NEGR1: variants seen among roughly 807,000 people sequenced by gnomAD.
NEGR1 encodes neuronal growth regulator 1, also known as IgLON family member 4.
NEGR1 carries 10 observed loss-of-function variants against 40.9 expected under a neutral mutation model. The observed-to-expected ratio is 0.24, with a 90% CI of 0.15 to 0.42. The LOEUF is 0.42. NEGR1 is among the 10% of genes least tolerant of loss of function. NEGR1 has a pLI of 1.00. For missense variants in NEGR1, 352 were observed against 438.9 expected, an observed-to-expected ratio of 0.80 and a Z score of 1.77; for synonymous variants, 185 against 166.8, an observed-to-expected ratio of 1.11 and a Z score of -0.84.
chr1:71,616,919 C>T (rs1373976953), intron 4 of NEGR1, among the ~76,000 whole-genome samples: 2 of 152,178 alleles, frequency 1.3e-5, no homozygotes, highest in African/African-American at 2.4e-5. Flanking sequence ...TTCTTTGTAA[C>T]AGGTGATTCA....
At chr1:71,674,896 T>C (rs941402599) in intron 4 of NEGR1, among the ~76,000 whole-genome samples, 2 of 151,768 alleles carry the variant, frequency 1.3e-5, no homozygotes, top group African/African-American at 4.8e-5. Context: ...ATTTGTTTAA[T>C]GTATGTTTTC....
chr1:72,044,156 A>T (rs1276122648), intron 1 of NEGR1, among the ~76,000 whole-genome samples: 1 of 151,626 alleles, frequency 6.6e-6, no homozygotes, highest in Non-Finnish European at 1.5e-5. Context: ...AAAGTGCTGA[A>T]CACAGTGCTT....
At chr1:72,164,997 G>T (rs532400713) in intron 1 of NEGR1, among the ~76,000 whole-genome samples, 28 of 151,422 alleles carry the variant, frequency 1.8e-4, no homozygotes, top group Non-Finnish European at 3.5e-4. Context: ...TTTTTTTCAT[G>T]ACCATTTCCT....
intron 1 of NEGR1, among the ~76,000 whole-genome samples, chr1:72,248,575 T>TTTA (rs201326223): frequency 0.11 from 14,871 of 132,744 alleles, 931 homozygotes; most frequent in African/African-American, 0.17. Context: ...TCTATTTTTA[T>TTTA]TTATTATTAT....
rs548458448 is a variant in NEGR1 at position 71,599,314 on chromosome 1, A to G, written c.789-6346T>C. Among the ~76,000 whole-genome samples the G allele has an allele frequency of 1.2e-4, 19 of 152,344 alleles. No homozygotes were observed. The South Asian group carries it at 1.9e-3, about 15-fold the overall frequency. ...TGAGCATTCAGGAAATTATTTTTAA[A>G]GAAAAGATCTAGGAGAGTGACTGAA... On this transcript the variant is annotated intron_variant, in intron 5 of 6. Transcript: ENST00000357731.
chr1:71,530,746 G>C (rs1262982564), intron 6 of NEGR1, among the ~76,000 whole-genome samples: 1 of 151,188 alleles, frequency 6.6e-6, no homozygotes, highest in African/African-American at 2.4e-5. Flanking sequence ...CCAATTCTGG[G>C]ACATAATGGC....
At chr1:72,094,692 A>G (rs925314215) in intron 1 of NEGR1, among the ~76,000 whole-genome samples, 7 of 152,148 alleles carry the variant, frequency 4.6e-5, no homozygotes, top group Non-Finnish European at 7.3e-5. Flanking sequence ...CTTGGAGCAC[A>G]CTTTTGTTTT....
At chr1:71,754,695 A>T (rs1390248568) in intron 3 of NEGR1, among the ~76,000 whole-genome samples, 1 of 151,070 alleles carries the variant, frequency 6.6e-6, no homozygotes, top group Non-Finnish European at 1.5e-5. Context: ...AGATTCACTG[A>T]AAGTGCTTTT....
At chr1:71,639,223 A>C (rs1570138056) in intron 4 of NEGR1, among the ~76,000 whole-genome samples, 5 of 150,768 alleles carry the variant, frequency 3.3e-5, no homozygotes. Context: ...AAAAAAAAAA[A>C]CAGGACACAA....
intron 6 of NEGR1, among the ~76,000 whole-genome samples, chr1:71,507,475 C>T (rs1366637997): frequency 6.6e-6 from 1 of 152,166 alleles, no homozygotes; most frequent in African/African-American, 2.4e-5. Flanking sequence ...GGGATTTATA[C>T]CCTCACTAAA....
intron 2 of NEGR1, among the ~76,000 whole-genome samples, chr1:71,842,909 G>A (rs1659291328): frequency 6.6e-6 from 1 of 152,136 alleles, no homozygotes; most frequent in South Asian, 2.1e-4. Context: ...AGTTAAAAGT[G>A]AAAGGACCCT....
chr1:71,509,529 G>A (rs571352188), intron 6 of NEGR1, among the ~76,000 whole-genome samples: 17 of 152,284 alleles, frequency 1.1e-4, no homozygotes, highest in African/African-American at 1.7e-4. Flanking sequence ...AGGAAACTTC[G>A]TAACTTGTTA....
At chr1:72,074,993 A>G (rs1027226937) in intron 1 of NEGR1, among the ~76,000 whole-genome samples, 5 of 152,152 alleles carry the variant, frequency 3.3e-5, no homozygotes, top group African/African-American at 1.2e-4. Context: ...TTTTAAGGAC[A>G]TAAATAAAGA....
intron 3 of NEGR1, among the ~76,000 whole-genome samples, chr1:71,708,602 A>T (rs373493988): frequency 9.3e-5 from 14 of 150,636 alleles, no homozygotes; most frequent in African/African-American, 3.4e-4. Flanking sequence ...CAGAGTTTTT[A>T]TTTTTTTTTT....
intron 1 of NEGR1, among the ~76,000 whole-genome samples, chr1:72,090,810 G>T (rs913129762): frequency 6.6e-6 from 1 of 152,114 alleles, no homozygotes; most frequent in Non-Finnish European, 1.5e-5. Flanking sequence ...GGGGTTTTGA[G>T]TAAGTCATGT....
At chr1:72,056,794 T>C (rs1223059931) in intron 1 of NEGR1, among the ~76,000 whole-genome samples, 1 of 151,540 alleles carries the variant, frequency 6.6e-6, no homozygotes, top group Non-Finnish European at 1.5e-5. Flanking sequence ...AAGTTTTGTT[T>C]TGAAGTCTAT....
intron 6 of NEGR1, among the ~76,000 whole-genome samples, chr1:71,522,016 AC>A (rs556290685): frequency 1.0e-3 from 156 of 152,120 alleles, no homozygotes; most frequent in African/African-American, 3.7e-3. Context: ...TGAGTAATGA[AC>A]TGAAAGCCTT....
chr1:71,901,042 C>T (rs1661130561), intron 2 of NEGR1, among the ~76,000 whole-genome samples: 1 of 152,250 alleles, frequency 6.6e-6, no homozygotes, highest in East Asian at 1.9e-4. Flanking sequence ...TCCATCTAAC[C>T]TTAAAGCTCA....
chr1:71,444,941 T>C (rs1441029079), intron 6 of NEGR1, among the ~76,000 whole-genome samples: 1 of 152,178 alleles, frequency 6.6e-6, no homozygotes, highest in Non-Finnish European at 1.5e-5. Context: ...TTCTAGACAT[T>C]GGAGATACCA....
Sources: allele counts gnomAD v4.1 joint callset (sites outside exome capture counted in the v4.1 genomes callset), GRCh38; gene constraint gnomAD v4.1.1; transcripts MANE v1.5; gene names NCBI Gene and HGNC (gene_info 2026-07-23, HGNC 2026-07-21).